Variants in CELF5 observed in about 807,000 individuals in gnomAD.
CELF5 encodes CUG-BP and ETR-3 like factor 5.
CELF5 carries 6 observed loss-of-function variants against 54.9 expected under a neutral mutation model. That is an observed-to-expected ratio of 0.11 (90% CI 0.06 to 0.22). The LOEUF (loss-of-function observed/expected upper bound fraction) is 0.22. Ranked by LOEUF, CELF5 falls within the 10% of genes least tolerant of loss-of-function variation. The probability of loss-of-function intolerance (pLI) is 1.00; values close to 1 mark genes in which losing one functional copy is unlikely to be tolerated. For synonymous variants in CELF5, 271 were observed against 290.9 expected (o/e 0.93, Z 0.70); for missense variants, 401 against 678.6 (o/e 0.59, Z 4.54).
chr19:3,257,685 AG>A (rs1371014340), intron 2 of CELF5, among the ~76,000 whole-genome samples: 8 of 151,854 alleles, frequency 5.3e-5, no homozygotes, highest in African/African-American at 1.9e-4. Context: ...CATGTTGGTC[AG>A]GCTGGTCTCG....
At position 3,228,711 on chromosome 19, in the gene CELF5, G is replaced by C. The variant is rs1917080860; in HGVS notation, c.259+3713G>C. ...CTCGGGAGGGGGGGAGGAGGAGGCT[G>C]TAGCAGGCTGAGCTCTGAGGCGTGA... is the stretch of plus-strand genomic sequence containing the variant. On this transcript the variant is annotated intron_variant, in intron 1 of 12. Transcript: ENST00000292672. The surrounding 1 kb of genome is among the most constrained non-coding windows in gnomAD (Gnocchi z 6.0). Among the ~76,000 whole-genome samples the C allele has an allele frequency of 6.6e-6, 1 of 151,818 alleles. No homozygotes were observed. Among genetic ancestry groups the C allele is most frequent in the Admixed American group, 6.6e-5 (1 of 15,254 alleles).
intron 2 of CELF5, among the ~76,000 whole-genome samples, chr19:3,267,005 A>G (rs915167718): frequency 6.6e-6 from 1 of 151,772 alleles, no homozygotes; most frequent in African/African-American, 2.4e-5. Context: ...GGGTCACGTG[A>G]GACACCGAGA....
intron 10 of CELF5, 92 bp from the exon 11 acceptor site, chr19:3,290,139 G>A: frequency 1.1e-6 from 1 of 952,092 alleles, no homozygotes; most frequent in Non-Finnish European, 1.6e-6. Flanking sequence ...AGCTGGAGAA[G>A]CCAGATGCGG....
chr19:3,286,073 G>T, intron 10 of CELF5, 48 bp downstream of exon 10: 2 of 1,451,008 alleles, frequency 1.4e-6, no homozygotes, highest in South Asian at 2.7e-5. Context: ...CCCTCTGCCC[G>T]CCCTGTCCAC....
At chr19:3,236,704 G>A (rs1050034102) in intron 1 of CELF5, among the ~76,000 whole-genome samples, 1 of 152,136 alleles carries the variant, frequency 6.6e-6, no homozygotes, top group Non-Finnish European at 1.5e-5. Context: ...ATGAATCTAG[G>A]CCAGGCGCGA....
At chr19:3,258,250 G>A (rs1009992266) in intron 2 of CELF5, among the ~76,000 whole-genome samples, 5 of 151,978 alleles carry the variant, frequency 3.3e-5, no homozygotes, top group Admixed American at 2.0e-4. Flanking sequence ...GAGCCACCAC[G>A]CCCAGCCCTG....
intron 1 of CELF5, among the ~76,000 whole-genome samples, chr19:3,240,601 TAC>T (rs1260830334): frequency 6.6e-6 from 1 of 152,042 alleles, no homozygotes; most frequent in Non-Finnish European, 1.5e-5. Flanking sequence ...GTGCTGGGAT[TAC>T]AGACGTGAGC....
chr19:3,291,063 C>G (rs1362902238), intron 11 of CELF5, among the ~76,000 whole-genome samples: 1 of 151,540 alleles, frequency 6.6e-6, no homozygotes, highest in Non-Finnish European at 1.5e-5. Flanking sequence ...GAGTTCAAGA[C>G]CAGCCTGGGC....
At chr19:3,280,901 G>A (rs953041477) in intron 5 of CELF5, among the ~76,000 whole-genome samples, 19 of 152,166 alleles carry the variant, frequency 1.2e-4, no homozygotes, top group African/African-American at 2.9e-4. Flanking sequence ...CTCCAGCGGC[G>A]GGATTCTCCA....
intron 2 of CELF5, among the ~76,000 whole-genome samples, chr19:3,269,040 G>A (rs1333415550): frequency 6.6e-6 from 1 of 152,086 alleles, no homozygotes; most frequent in Non-Finnish European, 1.5e-5. Context: ...GGCTTGGCCT[G>A]GGTGTTTCAG....
At chr19:3,263,187 C>A (rs994166272) in intron 2 of CELF5, among the ~76,000 whole-genome samples, 1 of 139,544 alleles carries the variant, frequency 7.2e-6, no homozygotes, top group Non-Finnish European at 1.5e-5. Context: ...GTGAAGTTTG[C>A]GGTGAGCCGA....
rs551400047 is a variant in CELF5, at chr19:3,266,425, C to CA, written c.343-7434dup. On this transcript the variant is annotated intron_variant, in intron 2 of 12. Transcript: ENST00000292672. ...GTGACAGAGTGAGACCCAGTACAAA[C>CA]AAAAAAAAAAAAAGAAGAAGAAGAG... is the stretch of plus-strand genomic sequence containing the variant. 1.7e-3 allele frequency among the ~76,000 whole-genome samples: 220 copies of CA among 129,766 alleles called. 1 individual carries two copies. The highest frequency in any genetic ancestry group is 7.7e-3 in the Middle Eastern group (2 of 260). 85.1% of individuals were successfully genotyped at this position (129,766 alleles called of 152,430 possible). A position where few individuals can be genotyped will look rare whatever the true frequency, so the allele number is the denominator to read the frequency against.
rs1007675678 is a variant in CELF5, at chr19:3,228,917, C to T, written c.259+3919C>T. Among the ~76,000 whole-genome samples the T allele has an allele frequency of 3.0e-5, 4 of 131,338 alleles. No individual in the cohort carries two copies. The highest frequency in any genetic ancestry group is 4.3e-4 in the East Asian group (2 of 4,658). 86.2% of individuals were successfully genotyped at this position (131,338 alleles called of 152,430 possible). On this transcript the variant is annotated intron_variant, in intron 1 of 12. Transcript: ENST00000292672. The surrounding 1 kb of genome is among the most constrained non-coding windows in gnomAD (Gnocchi z 6.0). ...GTGTGTGTGTGTGTGTGTGTGTGTACGCGGGCGCGCGCCTGGGAAGGACTC... is the reference window on the plus strand; with the variant it reads ...GTGTGTGTGTGTGTGTGTGTGTGTATGCGGGCGCGCGCCTGGGAAGGACTC...
At chr19:3,230,040 G>A (rs905841431) in intron 1 of CELF5, among the ~76,000 whole-genome samples, 1 of 152,188 alleles carries the variant, frequency 6.6e-6, no homozygotes, top group Admixed American at 6.5e-5. Flanking sequence ...ATTGGCAAGT[G>A]AGGCCTTGGC....
intron 4 of CELF5, among the ~76,000 whole-genome samples, chr19:3,277,327 G>C (rs980029105): frequency 6.6e-6 from 1 of 152,136 alleles, no homozygotes; most frequent in African/African-American, 2.4e-5. Flanking sequence ...ACAAAAATTA[G>C]CTGGGCGTGG....
At chr19:3,264,710 C>G (rs1024142948) in intron 2 of CELF5, among the ~76,000 whole-genome samples, 14 of 142,132 alleles carry the variant, frequency 9.8e-5, no homozygotes, top group Non-Finnish European at 2.2e-4. Context: ...GCCACCACAC[C>G]CGGCCTTTTT....
At chr19:3,277,896 T>A (rs1599464369) in intron 4 of CELF5, 135 bp from the exon 5 acceptor site, 1 of 664,514 alleles carries the variant, frequency 1.5e-6, no homozygotes, top group Non-Finnish European at 2.7e-6. Flanking sequence ...TGGCTGTCTT[T>A]CTGTTATCAG....
Position 3,296,955 on chromosome 19 carries a change from G to C in CELF5, c.*238G>C, listed in dbSNP as rs984604253. The C allele has an allele frequency of 7.3e-6, 1 of 137,506 alleles. No homozygotes were observed. Among genetic ancestry groups the C allele is most frequent in the Admixed American group, 7.8e-5 (1 of 12,786 alleles). The allele number at this position is 137,506 out of a possible 1,614,324, so 8.5% of individuals were successfully genotyped here. A position where few individuals can be genotyped will look rare whatever the true frequency, so the allele number is the denominator to read the frequency against. On this transcript the variant is annotated 3_prime_UTR_variant, in exon 13 of 13. Coordinates refer to ENST00000292672, the MANE Select transcript of CELF5 (RefSeq NM_021938.4). The stretch of plus-strand genomic sequence containing the variant: ...CTGAAGAGGTTGGTGTTCCTGTTAC[G>C]TGTTTCAGGTGAGAAGCAGCAAAGC...
Position 3,248,879 on chromosome 19 carries a change from TTCCTTCCTTC to T in CELF5, c.260-2105_260-2096del, listed in dbSNP as rs2079605421. On this transcript the variant is annotated intron_variant, in intron 1 of 12. Transcript: ENST00000292672. ...CTTCCTTCCTTCCTTCCTTCCTTCC[TTCCTTCCTTC>T]CTTCCTTCCTTCCTTCCTTTCTTTC... Among the ~76,000 whole-genome samples the T allele has an allele frequency of 6.1e-5, 8 of 130,276 alleles. No homozygotes were observed. In the Admixed American group the frequency reaches 6.7e-4, roughly 11 times the overall value. 85.5% of individuals were successfully genotyped at this position (130,276 alleles called of 152,430 possible). A position where few individuals can be genotyped will look rare whatever the true frequency, so the allele number is the denominator to read the frequency against.
Sources: gnomAD v4.1 joint callset for allele counts (sites outside exome capture counted in the v4.1 genomes callset) on GRCh38, gnomAD v4.1.1 for gene constraint, Gnocchi (gnomAD v3.1) non-coding constraint, MANE v1.5 for transcripts, NCBI Gene and HGNC (gene_info 2026-07-23, HGNC 2026-07-21) for gene names.